Variants in CEP128 observed in about 807,000 individuals in gnomAD.
CEP128 encodes the protein centrosomal protein 128.
In CEP128, 132 loss-of-function variants were observed where a neutral mutation model predicts 156.7. The observed-to-expected ratio is 0.84, with a 90% CI of 0.73 to 0.97. The LOEUF (loss-of-function observed/expected upper bound fraction) is 0.97, where lower values mean the gene tolerates loss of function less well. CEP128 is among the 50% of genes least tolerant of loss of function. The pLI, the probability that CEP128 is intolerant of heterozygous loss-of-function variation, is 0.00. For synonymous variants in CEP128, 469 were observed against 448.9 expected (o/e 1.04, Z -0.57); for missense variants, 1,252 against 1,281.9 (o/e 0.98, Z 0.36).
At chr14:80,809,907 T>C (rs112530653) in intron 13 of CEP128, among the ~76,000 whole-genome samples, 8 of 151,342 alleles carry the variant, frequency 5.3e-5, no homozygotes, top group African/African-American at 1.7e-4. Flanking sequence ...CATGAAGATA[T>C]AAAACTCACT....
Position 80,937,767 on chromosome 14 carries a change from C to A in CEP128, c.-16+1618G>T, listed in dbSNP as rs142736629. On this transcript the variant is annotated intron_variant, in intron 2 of 24. Coordinates refer to ENST00000555265, the MANE Select transcript of CEP128 (RefSeq NM_152446.5). ...AGAGACATTACATGGATAGTGTATT[C>A]TATAATATACATGCTAATATAGTTT... Among the ~76,000 whole-genome samples the A allele has an allele frequency of 7.9e-5, 12 of 152,176 alleles. No individual in the cohort carries two copies. The East Asian group carries it at 1.9e-3, about 25-fold the overall frequency.
intron 16 of CEP128, among the ~76,000 whole-genome samples, chr14:80,770,918 C>T (rs1003365210): frequency 1.3e-5 from 2 of 152,166 alleles, no homozygotes; most frequent in Non-Finnish European, 2.9e-5. Flanking sequence ...ATTCTGCCTG[C>T]TACCATCAAA....
At chr14:80,489,922 AAAAG>A (rs1204778533), downstream of CEP128, among the ~76,000 whole-genome samples, 954 of 150,798 alleles carry the variant, frequency 6.3e-3, 3 homozygotes, top group Non-Finnish European at 0.011. Context: ...AAAAAAAAAA[AAAAG>A]AAACACCTTC....
At chr14:80,792,657 T>C (rs1465641027) in intron 14 of CEP128, 103 bp downstream of exon 14, 1 of 844,840 alleles carries the variant, frequency 1.2e-6, no homozygotes, top group Non-Finnish European at 1.9e-6. Flanking sequence ...AAGGACATAT[T>C]GATTATATGT....
intron 21 of CEP128, among the ~76,000 whole-genome samples, chr14:80,557,827 T>C (rs1890500278): frequency 6.6e-6 from 1 of 152,124 alleles, no homozygotes; most frequent in Non-Finnish European, 1.5e-5. Flanking sequence ...ATTTTTTTCC[T>C]GCTTGTTAAA....
chr14:80,885,675 C>A (rs1258242670), intron 8 of CEP128, among the ~76,000 whole-genome samples: 1 of 152,110 alleles, frequency 6.6e-6, no homozygotes, highest in Non-Finnish European at 1.5e-5. Context: ...TGAGGAAAAA[C>A]CAGTGCAAAA....
chr14:80,885,545 G>A (rs1177802919), intron 8 of CEP128, among the ~76,000 whole-genome samples: 1 of 152,110 alleles, frequency 6.6e-6, no homozygotes, highest in African/African-American at 2.4e-5. Context: ...GTCTGACTGT[G>A]AGAAGGAAAA....
intron 8 of CEP128, among the ~76,000 whole-genome samples, chr14:80,891,533 G>A (rs1279156169): frequency 6.6e-6 from 1 of 150,756 alleles, no homozygotes; most frequent in Non-Finnish European, 1.5e-5. Context: ...ATTACCAAAG[G>A]CTGAGAAGGA....
rs148087525 is a variant in CEP128, at chr14:80,506,057, C to T, written c.3073-1037G>A. On this transcript the variant is annotated intron_variant, in intron 23 of 24. Coordinates refer to ENST00000555265, the MANE Select transcript of CEP128 (RefSeq NM_152446.5). ...TAGATTTAGGATTCAGATAAGACCC[C>T]TCTGGGAGGTGACAGTTAAGGCAAT... is the stretch of plus-strand genomic sequence containing the variant. Among the ~76,000 whole-genome samples, 523 of 152,264 alleles carry T rather than the reference C, an allele frequency of 3.4e-3. 4 individuals carry two copies. Among genetic ancestry groups the T allele is most frequent in the African/African-American group, 0.012 (493 of 41,554 alleles).
intron 20 of CEP128, 86 bp downstream of exon 20, chr14:80,580,288 A>T: frequency 1.2e-6 from 1 of 812,088 alleles, no homozygotes; most frequent in South Asian, 1.8e-5. Context: ...TTGCTATACC[A>T]GTGTGAATGT....
At chr14:80,800,737 G>C (rs1883793631) in intron 13 of CEP128, among the ~76,000 whole-genome samples, 1 of 152,150 alleles carries the variant, frequency 6.6e-6, no homozygotes, top group South Asian at 2.1e-4. Context: ...GCATCGACTA[G>C]TTATTTATTC....
chr14:80,835,363 T>A (rs1002823313), intron 12 of CEP128, among the ~76,000 whole-genome samples: 1 of 152,186 alleles, frequency 6.6e-6, no homozygotes, highest in Non-Finnish European at 1.5e-5. Context: ...AAATTTGTCA[T>A]CCATTGAAGA....
rs964098709 is a variant in CEP128, at chr14:80,862,769, C to T, written c.750G>A (p.Leu250=). ...RRQDQLGLMS[L]QLQEALKKQE... is the part of the protein sequence containing the mutation. Reference sequence around the variant, plus strand: ...GTTTTTCACAAACCTCCTGTAGCTGCAGGGACATGAGTCCCAGTTGATCCT... The same window carrying T: ...GTTTTTCACAAACCTCCTGTAGCTGTAGGGACATGAGTCCCAGTTGATCCT... The change falls in exon 9 of 25, where the codon CTG becomes CTA. Residue 250 remains leucine, a synonymous_variant. Transcript: ENST00000555265. 1.2e-6 allele frequency: 2 copies of T among 1,607,398 alleles called. No individual in the cohort carries two copies. Among genetic ancestry groups the T allele is most frequent in the African/African-American group, 2.7e-5 (2 of 74,806 alleles).
At chr14:80,580,254 C>A in intron 20 of CEP128, 120 bp downstream of exon 20, 2 of 607,462 alleles carry the variant, frequency 3.3e-6, no homozygotes, top group Non-Finnish European at 5.7e-6. Context: ...CTTTATAGTT[C>A]TGACATTGTC....
intron 20 of CEP128, among the ~76,000 whole-genome samples, chr14:80,573,089 A>ATTT (rs34024851): frequency 0.39 from 55,778 of 144,624 alleles, 11,036 homozygotes; most frequent in East Asian, 0.52. Flanking sequence ...CGCCTGACTA[A>ATTT]TTTTTTTTTT....
chr14:80,807,798 G>C (rs1162628390), intron 13 of CEP128, among the ~76,000 whole-genome samples: 2 of 152,160 alleles, frequency 1.3e-5, no homozygotes, highest in African/African-American at 2.4e-5. Context: ...TGAGAGCACA[G>C]CCATCATAGG....
rs201149406 is a variant in CEP128, at chr14:80,793,002, C to T, written c.1318G>A (p.Ala440Thr). ...GTCAGCTCTGAGATCTGAAGGTCAG[C>T]ATGCTTACGCTCGGCCTCACATGTG... ...FDTCEAERKH[A>T]DLQISELTRH... Residue 440 changes from alanine (A) to threonine (T), a missense_variant, in exon 14 of 25, where the codon GCT becomes ACT. By Grantham distance (58) the Ala-to-Thr change is moderately conservative. Transcript: ENST00000555265. 68 of 1,614,186 alleles carry T rather than the reference C, an allele frequency of 4.2e-5. No individual in the cohort carries two copies. The Admixed American group carries it at 8.7e-4, about 21-fold the overall frequency.
At chr14:80,618,685 G>A (rs1893333636) in intron 19 of CEP128, among the ~76,000 whole-genome samples, 1 of 152,178 alleles carries the variant, frequency 6.6e-6, no homozygotes, top group Admixed American at 6.5e-5. Context: ...ATAAGGGCTT[G>A]CATCCATTTT....
At chr14:80,926,595 A>C (rs1885161953) in intron 2 of CEP128, among the ~76,000 whole-genome samples, 2 of 152,166 alleles carry the variant, frequency 1.3e-5, no homozygotes, top group African/African-American at 4.8e-5. Flanking sequence ...CAACAGACAG[A>C]GACTTTTGCA....
Sources: allele counts gnomAD v4.1 joint callset (sites outside exome capture counted in the v4.1 genomes callset), GRCh38; gene constraint gnomAD v4.1.1; transcripts MANE v1.5; gene names NCBI Gene and HGNC (gene_info 2026-07-23, HGNC 2026-07-21).